EPC1: variants seen among roughly 807,000 people sequenced by gnomAD.
EPC1 encodes enhancer of polycomb homolog 1.
Under a neutral mutation model 98.4 loss-of-function variants are expected in EPC1, and 12 were observed. That is an observed-to-expected ratio of 0.12 (90% CI 0.08 to 0.20). EPC1 has a LOEUF of 0.20. Ranked by LOEUF, EPC1 falls within the 10% of genes least tolerant of loss-of-function variation. The probability of loss-of-function intolerance (pLI) is 1.00; values close to 1 mark genes in which losing one functional copy is unlikely to be tolerated. For missense variants in EPC1, 729 were observed against 990.5 expected, an observed-to-expected ratio of 0.74 and a Z score of 3.54; for synonymous variants, 357 against 363.9, an observed-to-expected ratio of 0.98 and a Z score of 0.21.
upstream of EPC1, among the ~76,000 whole-genome samples, chr10:32,352,042 A>ATT (rs35657158): frequency 2.9e-3 from 273 of 93,458 alleles, 4 homozygotes; most frequent in African/African-American, 5.2e-3. Flanking sequence ...AGCCATATTG[A>ATT]TTTTTTTTTT....
At chr10:32,288,975 G>A (rs1176204601) in intron 6 of EPC1, among the ~76,000 whole-genome samples, 1 of 152,046 alleles carries the variant, frequency 6.6e-6, no homozygotes, top group Non-Finnish European at 1.5e-5. Flanking sequence ...TGTAGTCCCA[G>A]CTATTTGGGA....
At chr10:32,279,307 T>C (rs930662099) in intron 10 of EPC1, among the ~76,000 whole-genome samples, 13 of 149,612 alleles carry the variant, frequency 8.7e-5, no homozygotes, top group South Asian at 4.2e-4. Context: ...AAGATCGTGC[T>C]ACTGCACTCC....
chr10:32,353,299 G>C (rs545731577), intron 1 of EPC1, among the ~76,000 whole-genome samples: 2 of 152,274 alleles, frequency 1.3e-5, no homozygotes, highest in East Asian at 3.9e-4. Flanking sequence ...AGAGAGAAAG[G>C]GGTAGCTATT....
chr10:32,292,962 C>A, intron 4 of EPC1, 26 bp downstream of exon 4: 1 of 1,435,676 alleles, frequency 7.0e-7, no homozygotes, highest in South Asian at 1.5e-5. Context: ...ATATAATTAT[C>A]AAAAAAATTC....
chr10:32,269,288 A>T, intron 13 of EPC1, 153 bp from the exon 14 acceptor site: 2 of 583,454 alleles, frequency 3.4e-6, no homozygotes. Flanking sequence ...GAATCTTTAT[A>T]GTTTATTATC....
chr10:32,277,712 G>A (rs1312794927), intron 10 of EPC1, among the ~76,000 whole-genome samples: 4 of 151,988 alleles, frequency 2.6e-5, no homozygotes, highest in South Asian at 2.1e-4. Context: ...GACTACAGGC[G>A]AGCATCACTA....
chr10:32,343,471 A>G (rs1838510083), intron 1 of EPC1, among the ~76,000 whole-genome samples: 1 of 152,320 alleles, frequency 6.6e-6, no homozygotes, highest in African/African-American at 2.4e-5. Flanking sequence ...TCGGCCTCCC[A>G]AAGTGCTGGG....
intron 2 of EPC1, among the ~76,000 whole-genome samples, chr10:32,296,393 CG>C (rs2132756823): frequency 6.6e-6 from 1 of 152,254 alleles, no homozygotes; most frequent in Non-Finnish European, 1.5e-5. Context: ...CACCTTGCTT[CG>C]CATCAAAATA....
At chr10:32,370,606 T>C (rs2133121591) in intron 1 of EPC1, among the ~76,000 whole-genome samples, 1 of 152,294 alleles carries the variant, frequency 6.6e-6, no homozygotes, top group Non-Finnish European at 1.5e-5. Flanking sequence ...GAGCCTCTCA[T>C]GATCTGAAGG....
At chr10:32,349,121 T>A (rs868485371), upstream of EPC1, among the ~76,000 whole-genome samples, 4 of 152,212 alleles carry the variant, frequency 2.6e-5, no homozygotes, top group African/African-American at 9.7e-5. Flanking sequence ...CCGAAAATAC[T>A]GGCTGAATAT....
intron 2 of EPC1, among the ~76,000 whole-genome samples, chr10:32,298,408 T>C (rs1385360936): frequency 6.6e-6 from 1 of 152,172 alleles, no homozygotes; most frequent in Non-Finnish European, 1.5e-5. Context: ...GAACAGAATA[T>C]ACACCCTGAT....
At chr10:32,334,654 T>C (rs985955247) in intron 1 of EPC1, among the ~76,000 whole-genome samples, 1 of 152,184 alleles carries the variant, frequency 6.6e-6, no homozygotes, top group African/African-American at 2.4e-5. Flanking sequence ...ACACTTCACA[T>C]GTAAAATTAA....
At chr10:32,296,194 C>T (rs1025376021) in intron 2 of EPC1, among the ~76,000 whole-genome samples, 2 of 152,122 alleles carry the variant, frequency 1.3e-5, no homozygotes, top group East Asian at 1.9e-4. Flanking sequence ...CCCGGCCTCC[C>T]GAAGTTCTGG....
chr10:32,338,850 G>T (rs930540430), intron 1 of EPC1, among the ~76,000 whole-genome samples: 18 of 151,414 alleles, frequency 1.2e-4, no homozygotes, highest in African/African-American at 4.1e-4. Context: ...GAGGTGGGAG[G>T]AGCCTGGAGC....
chr10:32,275,753 T>A (rs1485486000), intron 10 of EPC1, among the ~76,000 whole-genome samples: 1 of 150,778 alleles, frequency 6.6e-6, no homozygotes, highest in Non-Finnish European at 1.5e-5. Flanking sequence ...CCAGCCTGGA[T>A]GACAGAGCAA....
At chr10:32,368,983 C>G (rs1039937923) in intron 1 of EPC1, among the ~76,000 whole-genome samples, 1 of 152,192 alleles carries the variant, frequency 6.6e-6, no homozygotes, top group East Asian at 1.9e-4. Context: ...GTTAGGAACT[C>G]TGAACAGATC....
upstream of EPC1, among the ~76,000 whole-genome samples, chr10:32,349,028 T>C (rs1839031731): frequency 6.6e-6 from 1 of 152,214 alleles, no homozygotes; most frequent in African/African-American, 2.4e-5. Flanking sequence ...AGCTGAGTCA[T>C]TAGATAGCAG....
At chr10:32,356,704 G>T (rs1839288300) in intron 1 of EPC1, among the ~76,000 whole-genome samples, 1 of 152,174 alleles carries the variant, frequency 6.6e-6, no homozygotes, top group African/African-American at 2.4e-5. Context: ...AACATTTACC[G>T]CCAGGCGCGG....
chr10:32,378,543 T>C, exon 1 of EPC1: 6 of 1,461,968 alleles, frequency 4.1e-6, no homozygotes, highest in Non-Finnish European at 5.6e-6. Context: ...TGTAACAATA[T>C]AGGCTGGATA....
Sources: gnomAD v4.1 joint callset for allele counts (sites outside exome capture counted in the v4.1 genomes callset) on GRCh38, gnomAD v4.1.1 for gene constraint, MANE v1.5 for transcripts, NCBI Gene and HGNC (gene_info 2026-07-23, HGNC 2026-07-21) for gene names.